Variants in PTPRD observed in about 807,000 individuals in gnomAD.
PTPRD encodes the protein receptor-type tyrosine-protein phosphatase delta.
Under a neutral mutation model 214.5 loss-of-function variants are expected in PTPRD, and 34 were observed. The ratio of observed to expected loss-of-function variants is 0.16; its 90% CI spans 0.12 to 0.21. The LOEUF (loss-of-function observed/expected upper bound fraction) is 0.21. Among genes scored for constraint, PTPRD ranks in the 10% least tolerant of loss-of-function variants. The pLI is 1.00. For missense variants in PTPRD, 2,545 were observed against 2,398.7 expected, an observed-to-expected ratio of 1.06 and a Z score of -1.27; for synonymous variants, 1,128 against 845.7, an observed-to-expected ratio of 1.33 and a Z score of -5.79.
At chr9:9,538,710 C>T (rs1363948221) in intron 8 of PTPRD, among the ~76,000 whole-genome samples, 1 of 151,858 alleles carries the variant, frequency 6.6e-6, no homozygotes, top group Admixed American at 6.6e-5. Flanking sequence ...GATATTGATA[C>T]ATATACGTCA....
intron 24 of PTPRD, among the ~76,000 whole-genome samples, chr9:8,500,050 CAAAAAAA>C (rs34424655): frequency 1.3e-5 from 1 of 78,340 alleles, no homozygotes; most frequent in Non-Finnish European, 2.6e-5. Context: ...ATGACCGATG[CAAAAAAA>C]AAAAAAAAAA....
At chr9:9,463,412 G>T (rs2093846381) in intron 8 of PTPRD, among the ~76,000 whole-genome samples, 1 of 152,058 alleles carries the variant, frequency 6.6e-6, no homozygotes, top group East Asian at 1.9e-4. Context: ...GAGATTTGGA[G>T]AGAGCTCCAG....
intron 11 of PTPRD, among the ~76,000 whole-genome samples, chr9:8,996,962 AG>A (rs1301596421): frequency 6.6e-6 from 1 of 152,120 alleles, no homozygotes; most frequent in African/African-American, 2.4e-5. Flanking sequence ...CATGCTAAAA[AG>A]AATATATTTT....
intron 9 of PTPRD, among the ~76,000 whole-genome samples, chr9:9,328,618 CTTTTTTTTTTTTTTTTTTTTTTT>C (rs869076374): frequency 4.6e-4 from 13 of 28,214 alleles, no homozygotes; most frequent in African/African-American, 1.5e-3. Context: ...GTTGTTCTTG[CTTTTTTTTTTTTTTTTTTTTTTT>C]TTTTTTTTTT....
intron 39 of PTPRD, among the ~76,000 whole-genome samples, chr9:8,361,276 A>T (rs1370870283): frequency 6.6e-6 from 1 of 152,230 alleles, no homozygotes; most frequent in Non-Finnish European, 1.5e-5. Flanking sequence ...TAGAATGTCA[A>T]ATAACAGGCA....
chr9:10,547,741 A>C (rs1324458396), intron 2 of PTPRD, among the ~76,000 whole-genome samples: 2 of 151,990 alleles, frequency 1.3e-5, no homozygotes, highest in Non-Finnish European at 2.9e-5. Context: ...ACACTTGGTG[A>C]ATTTAAAAAT....
intron 9 of PTPRD, among the ~76,000 whole-genome samples, chr9:9,241,427 C>CTT (rs2130970674): frequency 6.6e-6 from 1 of 152,184 alleles, no homozygotes; most frequent in Admixed American, 6.5e-5. Flanking sequence ...GGAAACACTT[C>CTT]TTAACTTACA....
chr9:8,598,089 A>C lies in PTPRD; in HGVS notation c.352+35228T>G, dbSNP rs138575745. Among the ~76,000 whole-genome samples, 1,038 of 152,306 alleles carry C rather than the reference A, an allele frequency of 6.8e-3. 14 individuals carry two copies. Among genetic ancestry groups the C allele is most frequent in the African/African-American group, 0.022 (924 of 41,574 alleles). On this transcript the variant is annotated intron_variant, in intron 14 of 45. Coordinates refer to ENST00000381196, the MANE Select transcript of PTPRD (RefSeq NM_002839.4). ...ATAAATATGCATGGAGAAAAGCCTG[A>C]GAGAACATCTACCAACATGTTTACA...
At chr9:10,446,796 C>T (rs540325682) in intron 2 of PTPRD, among the ~76,000 whole-genome samples, 3 of 152,066 alleles carry the variant, frequency 2.0e-5, no homozygotes, top group Non-Finnish European at 4.4e-5. Context: ...TAAAAGGAAA[C>T]TGGATCCATG....
At chr9:10,414,263 C>A (rs1296840144) in intron 2 of PTPRD, among the ~76,000 whole-genome samples, 4 of 151,398 alleles carry the variant, frequency 2.6e-5, no homozygotes, top group African/African-American at 7.3e-5. Flanking sequence ...AATTAAAAAA[C>A]CATTAAAAAG....
At chr9:9,823,193 C>T (rs1389348309) in intron 5 of PTPRD, among the ~76,000 whole-genome samples, 4 of 152,090 alleles carry the variant, frequency 2.6e-5, no homozygotes, top group African/African-American at 4.8e-5. Flanking sequence ...GTAATCAGTT[C>T]ATAGTTCTGC....
At chr9:9,462,701 C>T (rs2093768763) in intron 8 of PTPRD, among the ~76,000 whole-genome samples, 1 of 152,096 alleles carries the variant, frequency 6.6e-6, no homozygotes, top group South Asian at 2.1e-4. Flanking sequence ...AAATGCTGTA[C>T]TTTTCCAGTT....
At chr9:9,838,635 G>T (rs1037354026) in intron 5 of PTPRD, among the ~76,000 whole-genome samples, 2 of 152,112 alleles carry the variant, frequency 1.3e-5, no homozygotes, top group Admixed American at 6.6e-5. Context: ...TTGTAAATTT[G>T]TTTGAGTTCA....
Position 10,459,317 on chromosome 9 carries a change from G to C in PTPRD, c.-599-118300C>G, listed in dbSNP as rs569953009. 1.3e-3 allele frequency among the ~76,000 whole-genome samples: 198 copies of C among 152,224 alleles called. 4 individuals carry two copies. Among genetic ancestry groups the C allele is most frequent in the Non-Finnish European group, 4.6e-4 (31 of 68,016 alleles). ...GTATTATTGATGGGCATTTGGGTTT[G>C]TTCTGAGTCTTTGCTGAATTGTGAA... On this transcript the variant is annotated intron_variant, in intron 2 of 45. Coordinates refer to ENST00000381196, the MANE Select transcript of PTPRD (RefSeq NM_002839.4).
intron 9 of PTPRD, among the ~76,000 whole-genome samples, chr9:9,185,993 A>T (rs2099931210): frequency 6.6e-6 from 1 of 152,014 alleles, no homozygotes; most frequent in African/African-American, 2.4e-5. Flanking sequence ...CATCAGTGAG[A>T]AATAGAAAAA....
chr9:10,106,278 G>A (rs1188672248), intron 3 of PTPRD, among the ~76,000 whole-genome samples: 2 of 151,800 alleles, frequency 1.3e-5, no homozygotes, highest in East Asian at 1.9e-4. Flanking sequence ...ACATTTTGAT[G>A]TCAAAGATAA....
chr9:8,611,565 C>T (rs1053320011), intron 14 of PTPRD, among the ~76,000 whole-genome samples: 5 of 151,862 alleles, frequency 3.3e-5, no homozygotes, highest in African/African-American at 1.2e-4. Context: ...ATTAGCAGGG[C>T]ATGGTGGTGT....
intron 35 of PTPRD, among the ~76,000 whole-genome samples, chr9:8,425,218 T>G (rs1395304414): frequency 1.3e-5 from 2 of 152,198 alleles, no homozygotes; most frequent in Non-Finnish European, 2.9e-5. Flanking sequence ...AATCTCTTCT[T>G]GCAGCATTGT....
intron 9 of PTPRD, among the ~76,000 whole-genome samples, chr9:9,275,103 ATATAT>A (rs1481852217): frequency 3.4e-5 from 2 of 58,486 alleles, no homozygotes; most frequent in South Asian, 7.7e-4. Flanking sequence ...TATATATATA[ATATAT>A]TATATATATA....
Sources: allele counts gnomAD v4.1 joint callset (sites outside exome capture counted in the v4.1 genomes callset), GRCh38; gene constraint gnomAD v4.1.1; transcripts MANE v1.5; gene names NCBI Gene and HGNC (gene_info 2026-07-23, HGNC 2026-07-21).